RGS12: variants seen among roughly 807,000 people sequenced by gnomAD.
RGS12 encodes regulator of G protein signaling 12.
Under a neutral mutation model 120.1 loss-of-function variants are expected in RGS12, and 66 were observed. The observed-to-expected ratio is 0.55, with a 90% CI of 0.45 to 0.67. The LOEUF (loss-of-function observed/expected upper bound fraction) is 0.67. RGS12 is among the 30% of genes least tolerant of loss of function. The pLI is 0.00. For synonymous variants in RGS12, 827 were observed against 804.7 expected (o/e 1.03, Z -0.47); for missense variants, 1,859 against 1,957.7 (o/e 0.95, Z 0.95).
At chr4:3,331,885 C>T (rs972496750) in intron 2 of RGS12, among the ~76,000 whole-genome samples, 3 of 152,222 alleles carry the variant, frequency 2.0e-5, no homozygotes, top group Non-Finnish European at 4.4e-5. Context: ...GGCTTTGTGC[C>T]ACCTGCACCA....
chr4:3,423,111 G>C (rs972700407), intron 12 of RGS12, 133 bp downstream of exon 12: 22 of 657,478 alleles, frequency 3.3e-5, no homozygotes, highest in Non-Finnish European at 4.5e-5. Flanking sequence ...TGTCGGGGCG[G>C]GGGGAGGGTG....
Position 3,316,717 on chromosome 4 carries a change from C to A in RGS12, c.547C>A (p.His183Asn), listed in dbSNP as rs1214933906. 1.9e-6 allele frequency: 3 copies of A among 1,614,110 alleles called. No homozygotes were observed. Among genetic ancestry groups the A allele is most frequent in the African/African-American group, 1.3e-5 (1 of 75,026 alleles). ...ESAATRFDVG[H>N]ESINNPNPNM... ...GGCCGCAACTCGATTTGATGTTGGA[C>A]ATGAAAGTATAAATAATCCAAATCC... Residue 183 changes from histidine to asparagine, a missense_variant, in exon 2 of 18, where the codon CAT (histidine) becomes AAT (asparagine). Physicochemically the swap from His to Asn is moderately conservative, Grantham distance 68. This residue lies in a region of RGS12 where 967 missense variants were observed against 994.2 expected (regional missense o/e 0.97). Transcript: ENST00000336727.
At chr4:3,337,222 C>G (rs1205233377) in intron 2 of RGS12, among the ~76,000 whole-genome samples, 1 of 152,104 alleles carries the variant, frequency 6.6e-6, no homozygotes, top group Non-Finnish European at 1.5e-5. Context: ...GAAAAATGAC[C>G]CGTGTTGGGC....
chr4:3,355,763 C>T (rs79718831), intron 3 of RGS12, among the ~76,000 whole-genome samples: 5,458 of 121,882 alleles, frequency 0.045, 158 homozygotes, highest in South Asian at 0.11. Context: ...CCGCTGCATT[C>T]TAGGCTGGGG....
intron 3 of RGS12, among the ~76,000 whole-genome samples, chr4:3,351,864 T>C (rs1714388301): frequency 6.6e-6 from 1 of 152,192 alleles, no homozygotes; most frequent in African/African-American, 2.4e-5. Flanking sequence ...GAAAATCCTA[T>C]AATTCCTGTC....
At chr4:3,423,758 G>C (rs1723294290) in intron 13 of RGS12, 117 bp downstream of exon 13, 1 of 1,339,372 alleles carries the variant, frequency 7.5e-7, no homozygotes, top group Non-Finnish European at 1.0e-6. Context: ...CCCCTGATCT[G>C]GTTGTCCCCC....
At position 3,316,401 on chromosome 4, in the gene RGS12, T is replaced by A; in HGVS notation, c.231T>A (p.His77Gln). 6.2e-7 allele frequency: 1 copy of A among 1,614,054 alleles called. No homozygotes were observed. The highest frequency in any genetic ancestry group is 8.5e-7 in the Non-Finnish European group (1 of 1,180,004). The part of the protein sequence containing the change: ...VNEINVKKAS[H>Q]EDVVKLIGKC... ...AAATCAACGTGAAAAAAGCATCTCATGAAGATGTAGTGAAATTAATTGGGA... is the reference window on the plus strand; with the variant it reads ...AAATCAACGTGAAAAAAGCATCTCAAGAAGATGTAGTGAAATTAATTGGGA... The change falls in exon 2 of 18, where the codon CAT (histidine) becomes CAA (glutamine). Residue 77 changes from histidine to glutamine, a missense_variant. His to Gln is a conservative substitution (Grantham distance 24). This residue lies in a region of RGS12 where 967 missense variants were observed against 994.2 expected (regional missense o/e 0.97). Transcript: ENST00000336727.
intron 17 of RGS12, chr4:3,431,336 AAGACTGGAAAACAAT>A: frequency 2.8e-6 from 3 of 1,071,242 alleles, no homozygotes; most frequent in Non-Finnish European, 3.4e-6. Flanking sequence ...TTTCTGTCTC[AAGACTGGAAAACAAT>A]AGCATTTGTC....
In RGS12 at chr4:3,317,911, G is replaced by C. The variant is rs1430650688; in HGVS notation, c.1741G>C (p.Ala581Pro). 5.6e-6 allele frequency: 9 copies of C among 1,614,118 alleles called. No homozygotes were observed. The highest frequency in any genetic ancestry group is 7.6e-6 in the Non-Finnish European group (9 of 1,180,020). The change falls in exon 2 of 18, where the codon GCA becomes CCA. Residue 581 changes from alanine (A) to proline (P), a missense_variant. Ala to Pro is a conservative substitution (Grantham distance 27). Coordinates refer to ENST00000336727, the MANE Select transcript of RGS12 (RefSeq NM_001394154.1). Reference sequence around the variant, plus strand: ...GCCCCCTCCTATGAGCAAGATCCCCGCAGACCGCTACAGGGTGGAGGGCAG... The same window carrying C: ...GCCCCCTCCTATGAGCAAGATCCCCCCAGACCGCTACAGGGTGGAGGGCAG... ...TLPPPMSKIP[A>P]DRYRVEGSFA...
intron 3 of RGS12, among the ~76,000 whole-genome samples, chr4:3,382,849 CGT>C (rs890689045): frequency 2.0e-4 from 30 of 152,286 alleles, no homozygotes; most frequent in African/African-American, 7.0e-4. Flanking sequence ...GCACTGTGCT[CGT>C]GTTCTGCTTC....
chr4:3,428,489 C>T (rs999685490), intron 15 of RGS12, 69 bp from the exon 16 acceptor site: 33 of 1,344,442 alleles, frequency 2.5e-5, no homozygotes, highest in Non-Finnish European at 3.3e-5. Context: ...CTTCTACTCT[C>T]TAACTAATGA....
rs1725166161 is a variant in RGS12, at chr4:3,439,742, G to A, written c.*58G>A. ...ATGTCGGGGTGGGGCAGCCCAGGTG[G>A]ATTCTGTGGGCCTCAGGGGGGCCAC... On this transcript the variant is annotated 3_prime_UTR_variant, in exon 18 of 18. Transcript: ENST00000336727. 3.5e-6 allele frequency: 5 copies of A among 1,424,324 alleles called. No individual in the cohort carries two copies. In the South Asian group the frequency reaches 7.5e-5, roughly 21 times the overall value. The allele number at this position is 1,424,324 out of a possible 1,614,324, so 88.2% of individuals were successfully genotyped here. A position where few individuals can be genotyped will look rare whatever the true frequency, so the allele number is the denominator to read the frequency against.
At chr4:3,348,091 T>C (rs148530694) in intron 3 of RGS12, among the ~76,000 whole-genome samples, 1 of 152,286 alleles carries the variant, frequency 6.6e-6, no homozygotes, top group Non-Finnish European at 1.5e-5. Flanking sequence ...GACTGGAAAA[T>C]ACTAAAGCTA....
At chr4:3,330,952 A>G (rs1362456474) in intron 2 of RGS12, among the ~76,000 whole-genome samples, 1 of 152,196 alleles carries the variant, frequency 6.6e-6, no homozygotes, top group Non-Finnish European at 1.5e-5. Context: ...AGACTTAGTC[A>G]TGTAGCTTTG....
At chr4:3,412,325 C>A (rs1469131203) in intron 4 of RGS12, among the ~76,000 whole-genome samples, 1 of 152,224 alleles carries the variant, frequency 6.6e-6, no homozygotes, top group Non-Finnish European at 1.5e-5. Context: ...TCCTTGGAAG[C>A]CTCCTGCCAG....
At chr4:3,421,577 A>G (rs1560168904) in intron 10 of RGS12, among the ~76,000 whole-genome samples, 1 of 152,252 alleles carries the variant, frequency 6.6e-6, no homozygotes, top group Non-Finnish European at 1.5e-5. Flanking sequence ...GGCTGGTCCC[A>G]GAGGCCCTCA....
At chr4:3,397,641 C>T (rs1316289451) in intron 4 of RGS12, among the ~76,000 whole-genome samples, 1 of 152,122 alleles carries the variant, frequency 6.6e-6, no homozygotes, top group East Asian at 1.9e-4. Flanking sequence ...GGGTGATAAC[C>T]AAGAATTCTG....
In RGS12 at chr4:3,317,095, C is replaced by T. The variant is rs370776178; in HGVS notation, c.925C>T (p.Arg309Trp). The change falls in exon 2 of 18, where the codon CGG becomes TGG. Residue 309 changes from arginine (R) to tryptophan (W), a missense_variant. Physicochemically the swap from Arg to Trp is moderately radical, Grantham distance 101 (BLOSUM62 -3). Coordinates refer to ENST00000336727, the MANE Select transcript of RGS12 (RefSeq NM_001394154.1). ...CTTCAGCGCCGTGTGCCCGGACGAC[C>T]GGCGATTTTTCGGGTTGGTTACCAT... Reference protein sequence around the residue: ...LAFSAVCPDDRRFFGLVTMQT... With the variant: ...LAFSAVCPDDWRFFGLVTMQT... The T allele has an allele frequency of 2.5e-5, 40 of 1,613,616 alleles. No homozygotes were observed. Among genetic ancestry groups the T allele is most frequent in the Non-Finnish European group, 2.8e-5 (33 of 1,180,050 alleles).
intron 3 of RGS12, among the ~76,000 whole-genome samples, chr4:3,351,632 G>A (rs1714364350): frequency 6.6e-6 from 1 of 152,132 alleles, no homozygotes; most frequent in Non-Finnish European, 1.5e-5. Context: ...CAGATTCAAA[G>A]TTGGCAGAAA....
Sources: gnomAD v4.1 joint callset for allele counts (sites outside exome capture counted in the v4.1 genomes callset) on GRCh38, gnomAD v4.1.1 for gene constraint, gnomAD v4.1.1 regional missense constraint, MANE v1.5 for transcripts, NCBI Gene and HGNC (gene_info 2026-07-23, HGNC 2026-07-21) for gene names.